FRMD5: variants seen among roughly 807,000 people sequenced by gnomAD.
FRMD5 encodes FERM domain containing 5, also known as FERM domain-containing protein 5.
In FRMD5, 20 loss-of-function variants were observed where a neutral mutation model predicts 69.0. The ratio of observed to expected loss-of-function variants is 0.29; its 90% CI spans 0.20 to 0.42. The LOEUF is 0.42. Ranked by LOEUF, FRMD5 falls within the 10% of genes least tolerant of loss-of-function variation. The probability of loss-of-function intolerance (pLI) is 1.00; values close to 1 mark genes in which losing one functional copy is unlikely to be tolerated. For missense variants in FRMD5, 595 were observed against 708.6 expected (o/e 0.84, Z 1.82); for synonymous variants, 271 against 260.1 (o/e 1.04, Z -0.40).
At chr15:43,963,823 A>C (rs934996721) in intron 1 of FRMD5, among the ~76,000 whole-genome samples, 5 of 152,126 alleles carry the variant, frequency 3.3e-5, no homozygotes, top group African/African-American at 1.2e-4. Flanking sequence ...ACCAAACACC[A>C]GACGTTCTCA....
At chr15:44,057,176 G>A (rs1455620723) in intron 1 of FRMD5, among the ~76,000 whole-genome samples, 1 of 151,534 alleles carries the variant, frequency 6.6e-6, no homozygotes, top group Non-Finnish European at 1.5e-5. Flanking sequence ...CCAGGCTGGA[G>A]TGCAGTGACA....
chr15:44,074,980 T>A (rs991596648), intron 1 of FRMD5, among the ~76,000 whole-genome samples: 1 of 152,176 alleles, frequency 6.6e-6, no homozygotes, highest in Non-Finnish European at 1.5e-5. Context: ...AAGGTGAAGC[T>A]AGTGCTTGGG....
intron 13 of FRMD5, among the ~76,000 whole-genome samples, chr15:43,876,433 C>T (rs1047335716): frequency 1.3e-5 from 2 of 152,142 alleles, no homozygotes; most frequent in African/African-American, 4.8e-5. Context: ...GTAATCCCAG[C>T]ACTTTGGGAG....
intron 1 of FRMD5, among the ~76,000 whole-genome samples, chr15:44,065,369 A>C (rs1473676967): frequency 6.6e-6 from 1 of 152,218 alleles, no homozygotes; most frequent in Non-Finnish European, 1.5e-5. Flanking sequence ...AAAAAGCCCA[A>C]AAGGAAGGGG....
At chr15:44,016,036 T>TG (rs1488238617) in intron 1 of FRMD5, among the ~76,000 whole-genome samples, 1 of 152,184 alleles carries the variant, frequency 6.6e-6, no homozygotes, top group African/African-American at 2.4e-5. Flanking sequence ...ACTAACACCT[T>TG]GCCTTCCCAC....
intron 1 of FRMD5, among the ~76,000 whole-genome samples, chr15:43,930,403 G>C (rs2089654643): frequency 6.6e-6 from 1 of 152,174 alleles, no homozygotes; most frequent in African/African-American, 2.4e-5. Flanking sequence ...ACTCCCTTCT[G>C]TTTCCTACTC....
chr15:44,059,362 G>T (rs1007737861), intron 1 of FRMD5, among the ~76,000 whole-genome samples: 1 of 152,026 alleles, frequency 6.6e-6, no homozygotes, highest in African/African-American at 2.4e-5. Flanking sequence ...GTTCTAGAAG[G>T]GTAAAGAAAG....
At chr15:44,152,556 G>A (rs1238787354) in intron 1 of FRMD5, among the ~76,000 whole-genome samples, 1 of 152,196 alleles carries the variant, frequency 6.6e-6, no homozygotes, top group Non-Finnish European at 1.5e-5. Flanking sequence ...AGTTACCTCA[G>A]TAAATGGGAA....
At chr15:44,102,448 A>G (rs1158242673) in intron 1 of FRMD5, among the ~76,000 whole-genome samples, 1 of 152,200 alleles carries the variant, frequency 6.6e-6, no homozygotes, top group Non-Finnish European at 1.5e-5. Flanking sequence ...CTTCTGGTAA[A>G]CGGATCTGAC....
In FRMD5 at chr15:43,989,075, G is replaced by C; in HGVS notation, c.103-64766C>G. On this transcript the variant is annotated intron_variant, in intron 1 of 13. Transcript: ENST00000417257. ...TCACAGTCCGCCTAGAAGCATCTGC[G>C]GTGGATGATGGAGGTGCCTGACTCA... 3.3e-6 allele frequency: 3 copies of C among 909,586 alleles called. No individual in the cohort carries two copies. The South Asian group carries it at 3.9e-5, about 12-fold the overall frequency. 56.3% of individuals were successfully genotyped at this position (909,586 alleles called of 1,614,324 possible). A position where few individuals can be genotyped will look rare whatever the true frequency, so the allele number is the denominator to read the frequency against.
intron 1 of FRMD5, among the ~76,000 whole-genome samples, chr15:43,969,003 TA>T: frequency 6.6e-6 from 1 of 152,268 alleles, no homozygotes; most frequent in African/African-American, 2.4e-5. Context: ...GTAGACTGAT[TA>T]TATCTAGAGG....
intron 7 of FRMD5, among the ~76,000 whole-genome samples, chr15:43,900,038 C>T (rs529715316): frequency 1.6e-4 from 24 of 152,154 alleles, no homozygotes; most frequent in Non-Finnish European, 2.6e-4. Flanking sequence ...GGGGACTGGG[C>T]AGGTTTGGGG....
At chr15:43,903,477 C>T (rs145089178) in intron 6 of FRMD5, among the ~76,000 whole-genome samples, 1 of 152,286 alleles carries the variant, frequency 6.6e-6, no homozygotes, top group Non-Finnish European at 1.5e-5. Context: ...AGTCTGTGCT[C>T]TCAAAAGCCC....
chr15:44,067,846 C>G (rs1000244878), intron 1 of FRMD5, among the ~76,000 whole-genome samples: 1 of 152,174 alleles, frequency 6.6e-6, no homozygotes, highest in African/African-American at 2.4e-5. Context: ...TGATAATCAT[C>G]TGGCACCCAG....
chr15:44,098,985 C>T (rs531548649), intron 1 of FRMD5, among the ~76,000 whole-genome samples: 6 of 152,280 alleles, frequency 3.9e-5, no homozygotes, highest in Non-Finnish European at 5.9e-5. Flanking sequence ...GGACAGCAGT[C>T]ATATATCAAA....
At chr15:44,110,187 G>C (rs1017548599) in intron 1 of FRMD5, among the ~76,000 whole-genome samples, 2 of 152,166 alleles carry the variant, frequency 1.3e-5, no homozygotes, top group Admixed American at 6.5e-5. Context: ...TCCACAGGCA[G>C]TTTTTGTTTT....
intron 1 of FRMD5, chr15:44,194,473 T>C (rs2078249740): frequency 9.4e-6 from 2 of 213,592 alleles, no homozygotes; most frequent in Non-Finnish European, 1.9e-5. Context: ...GACTCACAAA[T>C]GGTGGGGGGA....
At chr15:43,921,126 G>A (rs1595520931) in intron 2 of FRMD5, among the ~76,000 whole-genome samples, 1 of 152,218 alleles carries the variant, frequency 6.6e-6, no homozygotes, top group East Asian at 1.9e-4. Flanking sequence ...CCGCGGCTCA[G>A]CTTCACAGGG....
chr15:44,012,761 G>GTTTTTT (rs35690752), intron 1 of FRMD5, among the ~76,000 whole-genome samples: 18 of 120,822 alleles, frequency 1.5e-4, no homozygotes, highest in East Asian at 4.9e-4. Context: ...AAGTTATTGG[G>GTTTTTT]TTTTTTTTTT....
Sources: allele counts gnomAD v4.1 joint callset (sites outside exome capture counted in the v4.1 genomes callset), GRCh38; gene constraint gnomAD v4.1.1; transcripts MANE v1.5; gene names NCBI Gene and HGNC (gene_info 2026-07-23, HGNC 2026-07-21).